The following NDRG1 variants were observed in gnomAD, a reference collection of about 807,000 sequenced individuals.
The protein encoded by NDRG1 is protein NDRG1.
Under a neutral mutation model 56.9 loss-of-function variants are expected in NDRG1, and 32 were observed. The observed-to-expected ratio is 0.56, with a 90% CI of 0.42 to 0.76. The LOEUF (loss-of-function observed/expected upper bound fraction) is 0.76. Ranked by LOEUF, NDRG1 falls within the 30% of genes least tolerant of loss-of-function variation. The pLI is 0.00. For synonymous variants in NDRG1, 211 were observed against 204.1 expected, an observed-to-expected ratio of 1.03 and a Z score of -0.29; for missense variants, 507 against 545.7, an observed-to-expected ratio of 0.93 and a Z score of 0.71.
At chr8:133,292,535 G>A (rs377465852) in intron 1 of NDRG1, among the ~76,000 whole-genome samples, 6 of 152,156 alleles carry the variant, frequency 3.9e-5, no homozygotes, top group East Asian at 3.9e-4. Context: ...GGCCTTTCTG[G>A]AGAAAGGAGG....
intron 3 of NDRG1, among the ~76,000 whole-genome samples, chr8:133,275,374 G>A (rs1857400019): frequency 6.6e-6 from 1 of 152,138 alleles, no homozygotes; most frequent in Non-Finnish European, 1.5e-5. Flanking sequence ...GACTTACTGG[G>A]AACACTGAGC....
chr8:133,260,123 A>G (rs1217650021), intron 5 of NDRG1, among the ~76,000 whole-genome samples: 3 of 152,190 alleles, frequency 2.0e-5, no homozygotes, highest in African/African-American at 7.2e-5. Flanking sequence ...AAGGTGTGAC[A>G]CTGGAGAAGC....
intron 3 of NDRG1, 180 bp from the exon 4 acceptor site, chr8:133,264,832 A>G: frequency 1.5e-6 from 1 of 651,830 alleles, no homozygotes; most frequent in East Asian, 2.8e-5. Context: ...GACCAGGGCT[A>G]GGAGGGGACT....
intron 9 of NDRG1, among the ~76,000 whole-genome samples, chr8:133,252,833 C>G (rs957551229): frequency 2.0e-5 from 3 of 148,096 alleles, no homozygotes; most frequent in Non-Finnish European, 4.5e-5. Flanking sequence ...GGACTCTATT[C>G]CCCTCGTACA....
chr8:133,242,264 G>A (rs1477555304), intron 14 of NDRG1, among the ~76,000 whole-genome samples, 190 bp from the exon 15 acceptor site: 1 of 152,188 alleles, frequency 6.6e-6, no homozygotes, highest in Non-Finnish European at 1.5e-5. Context: ...CCACAGCTGT[G>A]GAACTTGGAC....
rs1312380557 is a variant in NDRG1 at position 133,285,821 on chromosome 8, G to T, written c.-18-1492C>A. On this transcript the variant is annotated intron_variant, in intron 1 of 15. Transcript: ENST00000323851. Reference sequence around the variant, plus strand: ...TTATATTTGTGAGCATTCCTGGGCAGCTGCCAGCTTGGAGGCAGGAGGCAT... The same window carrying T: ...TTATATTTGTGAGCATTCCTGGGCATCTGCCAGCTTGGAGGCAGGAGGCAT... Among the ~76,000 whole-genome samples, 46 of 152,354 alleles carry T rather than the reference G, an allele frequency of 3.0e-4. 1 individual carries two copies. Among genetic ancestry groups the T allele is most frequent in the Non-Finnish European group, 1.9e-4 (13 of 68,040 alleles).
intron 10 of NDRG1, 103 bp from the exon 11 acceptor site, chr8:133,248,874 G>C: frequency 7.7e-7 from 1 of 1,306,714 alleles, no homozygotes; most frequent in Non-Finnish European, 1.1e-6. Flanking sequence ...GGCCATTCTG[G>C]TAAGCTACCC....
chr8:133,250,526 G>T lies in NDRG1; in HGVS notation c.612C>A (p.Asn204Lys). 6.2e-7 allele frequency: 1 copy of T among 1,614,080 alleles called. No individual in the cohort carries two copies. The highest frequency in any genetic ancestry group is 8.5e-7 in the Non-Finnish European group (1 of 1,180,000). ...GGCGGTAGGTGTGGACCACTTCCAC[G>T]TTACTCTGCATTTCTTCCTGCATTT... is the stretch of plus-strand genomic sequence containing the variant. Reference protein sequence around the residue: ...HLFGKEEMQSNVEVVHTYRQH... With the variant: ...HLFGKEEMQSKVEVVHTYRQH... Residue 204 changes from asparagine to lysine, a missense_variant, in exon 10 of 16, where the codon AAC becomes AAA. Coordinates refer to ENST00000323851, the MANE Select transcript of NDRG1 (RefSeq NM_006096.4).
In NDRG1 at chr8:133,242,048, C is replaced by T; in HGVS notation, c.918G>A (p.Lys306=). The T allele has an allele frequency of 1.2e-6, 2 of 1,614,204 alleles. No individual in the cohort carries two copies. The highest frequency in any genetic ancestry group is 1.7e-6 in the Non-Finnish European group (2 of 1,180,044). Residue 306 remains lysine, a synonymous_variant, in exon 15 of 16, where the codon AAG becomes AAA. Transcript: ENST00000323851. ...SQPAKLAEAF[K]YFVQGMGYMP... The stretch of plus-strand genomic sequence containing the variant: ...TGTATCCCATGCCCTGCACGAAGTA[C>T]TTGAAGGCCTCAGCGAGCTTGGCCG...
chr8:133,296,349 C>T, intron 1 of NDRG1: 3 of 399,242 alleles, frequency 7.5e-6, no homozygotes, highest in South Asian at 3.5e-5. Context: ...AGACCCCTCT[C>T]GCCCAGGTCA....
At chr8:133,244,928 G>A (rs1196034096) in intron 13 of NDRG1, among the ~76,000 whole-genome samples, 1 of 152,204 alleles carries the variant, frequency 6.6e-6, no homozygotes, top group Non-Finnish European at 1.5e-5. Flanking sequence ...GGCCATTGCA[G>A]GCTGTGAGAC....
chr8:133,273,653 T>C (rs1299778246), intron 3 of NDRG1, among the ~76,000 whole-genome samples: 1 of 152,176 alleles, frequency 6.6e-6, no homozygotes, highest in Non-Finnish European at 1.5e-5. Context: ...TGGATCTAAG[T>C]CTAGGACTAT....
At position 133,237,690 on chromosome 8, in the gene NDRG1, T is replaced by TGG; in HGVS notation, c.*1187_*1188insCC. 3 of 228,690 alleles carry TGG rather than the reference T, an allele frequency of 1.3e-5. No individual in the cohort carries two copies. The highest frequency in any genetic ancestry group is 6.2e-5 in the East Asian group (1 of 16,134). 14.2% of individuals were successfully genotyped at this position (228,690 alleles called of 1,614,324 possible). A position where few individuals can be genotyped will look rare whatever the true frequency, so the allele number is the denominator to read the frequency against. On this transcript the variant is annotated 3_prime_UTR_variant, in exon 16 of 16. Transcript: ENST00000323851. Reference sequence around the variant, plus strand: ...CTCAGCCACCGCTCCCCACGTGAGTTCCCACCCCCACCCCGACAAGAGCAA... The same window carrying TGG: ...CTCAGCCACCGCTCCCCACGTGAGTTGGCCCACCCCCACCCCGACAAGAGCAA...
chr8:133,274,102 T>C (rs1288558430), intron 3 of NDRG1, among the ~76,000 whole-genome samples: 1 of 152,128 alleles, frequency 6.6e-6, no homozygotes, highest in Non-Finnish European at 1.5e-5. Context: ...CAGAACCTCA[T>C]ATGCAAATCA....
chr8:133,266,892 G>A (rs1025049522), intron 3 of NDRG1, among the ~76,000 whole-genome samples: 3 of 152,138 alleles, frequency 2.0e-5, no homozygotes, highest in African/African-American at 4.8e-5. Flanking sequence ...AATGGGACCA[G>A]GAAAGCCTCC....
Position 133,238,597 on chromosome 8 carries a change from T to A in NDRG1, c.*281A>T. 1.9e-6 allele frequency: 1 copy of A among 535,766 alleles called. No individual in the cohort carries two copies. The highest frequency in any genetic ancestry group is 3.1e-5 in the East Asian group (1 of 32,670). The allele number at this position is 535,766 out of a possible 1,614,324, so 33.2% of individuals were successfully genotyped here. A position where few individuals can be genotyped will look rare whatever the true frequency, so the allele number is the denominator to read the frequency against. On this transcript the variant is annotated 3_prime_UTR_variant, in exon 16 of 16. Coordinates refer to ENST00000323851, the MANE Select transcript of NDRG1 (RefSeq NM_006096.4). Reference sequence around the variant, plus strand: ...GTCTTGTTTTTGGCAGTTTGGTGTCTCTGAGGGAGGGGAGGAGAGTGGCAA... The same window carrying A: ...GTCTTGTTTTTGGCAGTTTGGTGTCACTGAGGGAGGGGAGGAGAGTGGCAA...
chr8:133,264,938 A>G, intron 3 of NDRG1: 1 of 470,060 alleles, frequency 2.1e-6, no homozygotes, highest in Admixed American at 3.3e-5. Flanking sequence ...TCTGCCCCGG[A>G]CTGTTTGCTC....
In NDRG1 at chr8:133,238,772, T is replaced by C. The variant is rs1415652285; in HGVS notation, c.*106A>G. The C allele has an allele frequency of 7.7e-7, 1 of 1,300,698 alleles. No homozygotes were observed. Among genetic ancestry groups the C allele is most frequent in the Non-Finnish European group, 1.0e-6 (1 of 962,500 alleles). 80.6% of individuals were successfully genotyped at this position (1,300,698 alleles called of 1,614,324 possible). Reference sequence around the variant, plus strand: ...CACTCTTACAAAATAAGCTTTGGATTAATACCGAGTTAGGCGCAGTATGGC... The same window carrying C: ...CACTCTTACAAAATAAGCTTTGGATCAATACCGAGTTAGGCGCAGTATGGC... On this transcript the variant is annotated 3_prime_UTR_variant, in exon 16 of 16. Transcript: ENST00000323851.
Position 133,264,632 on chromosome 8 carries a change from T to G in NDRG1, c.120A>C (p.Leu40Phe). 2 of 1,614,186 alleles carry G rather than the reference T, an allele frequency of 1.2e-6. No individual in the cohort carries two copies. Among genetic ancestry groups the G allele is most frequent in the Non-Finnish European group, 1.7e-6 (2 of 1,180,028 alleles). Reference protein sequence around the residue: ...FDVQEQDIETLHGSVHVTLCG... With the variant: ...FDVQEQDIETFHGSVHVTLCG... ...ACAGCGTGACGTGAACAGAGCCATG[T>G]AAAGTCTCGATGTCCTGCTCCTGAG... Residue 40 changes from leucine (L) to phenylalanine (F), a missense_variant, in exon 4 of 16, where the codon TTA becomes TTC. Transcript: ENST00000323851.
Sources: gnomAD v4.1 joint callset for allele counts (sites outside exome capture counted in the v4.1 genomes callset) on GRCh38, gnomAD v4.1.1 for gene constraint, MANE v1.5 for transcripts, NCBI Gene and HGNC (gene_info 2026-07-23, HGNC 2026-07-21) for gene names.